The following HEPACAM2 variants were observed in gnomAD, a reference collection of about 807,000 sequenced individuals.
HEPACAM2 encodes the protein mitotic kinetics regulator.
A neutral mutation model predicts 49.6 loss-of-function variants in HEPACAM2; 49 were observed. The ratio of observed to expected loss-of-function variants is 0.99; its 90% CI spans 0.78 to 1.25. The LOEUF (loss-of-function observed/expected upper bound fraction) is 1.25. Ranked by LOEUF, HEPACAM2 falls within the 50% of genes most tolerant of loss-of-function variation. The pLI is 0.00. For synonymous variants in HEPACAM2, 197 were observed against 202.9 expected, an observed-to-expected ratio of 0.97 and a Z score of 0.25; for missense variants, 525 against 557.2, an observed-to-expected ratio of 0.94 and a Z score of 0.58.
At chr7:93,194,330 A>C (rs1344606347) in intron 8 of HEPACAM2, among the ~76,000 whole-genome samples, 14 of 152,186 alleles carry the variant, frequency 9.2e-5, no homozygotes, top group Admixed American at 9.2e-4. Flanking sequence ...CTTATTCAAA[A>C]ATTCAATTAT....
upstream of HEPACAM2, among the ~76,000 whole-genome samples, chr7:93,229,532 A>T (rs537039296): frequency 3.9e-4 from 59 of 152,166 alleles, no homozygotes; most frequent in Admixed American, 7.2e-4. Context: ...GCTTCCAGAC[A>T]TTCCTCCTGT....
intron 9 of HEPACAM2, among the ~76,000 whole-genome samples, chr7:93,190,102 T>C (rs1793504827): frequency 6.6e-6 from 1 of 152,064 alleles, no homozygotes; most frequent in Admixed American, 6.6e-5. Context: ...ATTTAACGTC[T>C]TGCTCTAGCG....
chr7:93,202,034 A>AAAAAAAAAAAAAC (rs1793904509), intron 4 of HEPACAM2, among the ~76,000 whole-genome samples: 6 of 3,276 alleles, frequency 1.8e-3, no homozygotes, highest in Non-Finnish European at 2.8e-3. Flanking sequence ...AAAAAAACCA[A>AAAAAAAAAAAAAC]AAAAAAAAAA....
At chr7:93,230,184 T>TA (rs1010364875), upstream of HEPACAM2, among the ~76,000 whole-genome samples, 126 of 152,160 alleles carry the variant, frequency 8.3e-4, no homozygotes, top group African/African-American at 2.8e-3. Context: ...ACATATTAGA[T>TA]AAAAAAAACT....
chr7:93,219,870 A>G (rs1316332425), intron 1 of HEPACAM2, among the ~76,000 whole-genome samples: 1 of 152,234 alleles, frequency 6.6e-6, no homozygotes, highest in African/African-American at 2.4e-5. Context: ...TCCTCCCAAC[A>G]GTTTCCCTTA....
rs561915249 is a variant in HEPACAM2 at position 93,189,389 on chromosome 7, G to A, written c.1386-119C>T. Reference sequence around the variant, plus strand: ...GCTACAGATTAGAAGAATGTTTGGAGCTAGCTCAAGAAAATTACATTTATC... The same window carrying A: ...GCTACAGATTAGAAGAATGTTTGGAACTAGCTCAAGAAAATTACATTTATC... On this transcript the variant is annotated intron_variant, in intron 9 of 9. Transcript: ENST00000394468. 72 of 567,222 alleles carry A rather than the reference G, an allele frequency of 1.3e-4. No individual in the cohort carries two copies. In the African/African-American group the frequency reaches 1.3e-3, roughly 10 times the overall value. The allele number at this position is 567,222 out of a possible 1,614,324, so 35.1% of individuals were successfully genotyped here.
At chr7:93,195,754 T>A in intron 8 of HEPACAM2, 74 bp downstream of exon 8, 1 of 1,192,540 alleles carries the variant, frequency 8.4e-7, no homozygotes, top group East Asian at 2.3e-5. Context: ...GCCCAGTGCT[T>A]AAACAAATGC....
chr7:93,215,374 T>G (rs996172648), intron 3 of HEPACAM2, 27 bp downstream of exon 3: 1 of 1,597,556 alleles, frequency 6.3e-7, no homozygotes, highest in African/African-American at 1.3e-5. Flanking sequence ...AAAAAACAAC[T>G]CATGAGTTAA....
At chr7:93,200,823 C>G (rs1285903409) in intron 4 of HEPACAM2, among the ~76,000 whole-genome samples, 2 of 152,102 alleles carry the variant, frequency 1.3e-5, no homozygotes, top group Non-Finnish European at 2.9e-5. Context: ...CATTCATTCT[C>G]CAACCTGCTT....
At chr7:93,224,905 A>G (rs1344128347) in intron 1 of HEPACAM2, among the ~76,000 whole-genome samples, 1 of 152,226 alleles carries the variant, frequency 6.6e-6, no homozygotes, top group Admixed American at 6.5e-5. Context: ...TTTAAAAAGA[A>G]GAAGCAAACA....
At chr7:93,200,248 C>G (rs529452392) in intron 4 of HEPACAM2, among the ~76,000 whole-genome samples, 152 of 152,090 alleles carry the variant, frequency 1.0e-3, no homozygotes, top group African/African-American at 3.6e-3. Flanking sequence ...ATTAGGTGCA[C>G]TTCCTAATGC....
At chr7:93,225,961 A>C in intron 1 of HEPACAM2, 1 of 1,272,122 alleles carries the variant, frequency 7.9e-7, no homozygotes, top group Middle Eastern at 1.9e-4. Context: ...TCTTTAATTA[A>C]AAAGAAAACA....
chr7:93,220,644 T>C (rs1419120869), intron 1 of HEPACAM2, among the ~76,000 whole-genome samples: 1 of 152,180 alleles, frequency 6.6e-6, no homozygotes, highest in Non-Finnish European at 1.5e-5. Context: ...ATGAGGGGCC[T>C]GAGAGGGCCT....
At chr7:93,220,925 A>G (rs1794436891) in intron 1 of HEPACAM2, among the ~76,000 whole-genome samples, 3 of 152,338 alleles carry the variant, frequency 2.0e-5, no homozygotes, top group South Asian at 4.1e-4. Flanking sequence ...TATGATACCT[A>G]CATCATAGGA....
chr7:93,197,760 G>T, intron 4 of HEPACAM2, 150 bp from the exon 5 acceptor site: 2 of 567,296 alleles, frequency 3.5e-6, no homozygotes, highest in Non-Finnish European at 6.1e-6. Flanking sequence ...AGACCAAATG[G>T]AAGGAATGCA....
intron 3 of HEPACAM2, among the ~76,000 whole-genome samples, chr7:93,212,592 A>T (rs1584347274): frequency 6.6e-6 from 1 of 152,034 alleles, no homozygotes; most frequent in Non-Finnish European, 1.5e-5. Flanking sequence ...TTGCTCAGAG[A>T]ACCAATATCC....
intron 4 of HEPACAM2, among the ~76,000 whole-genome samples, chr7:93,207,884 A>T (rs1794069916): frequency 6.6e-6 from 1 of 152,050 alleles, no homozygotes; most frequent in African/African-American, 2.4e-5. Context: ...AAATGAATGA[A>T]ATCATACAGA....
At chr7:93,216,739 T>C (rs759109923) in intron 2 of HEPACAM2, among the ~76,000 whole-genome samples, 3 of 152,158 alleles carry the variant, frequency 2.0e-5, no homozygotes, top group Non-Finnish European at 4.4e-5. Context: ...TATTTAATAA[T>C]CTCCTTCTAT....
rs143010146 is a variant in HEPACAM2 at position 93,197,917 on chromosome 7, G to A, written c.1013-307C>T. Among the ~76,000 whole-genome samples the A allele has an allele frequency of 5.5e-4, 83 of 152,110 alleles. 1 individual carries two copies. The East Asian group carries it at 0.015, about 28-fold the overall frequency. Reference sequence around the variant, plus strand: ...CAGTGATGTTTGCCACCTTAGATCTGTTTCATCTCATTGTCTCTACATTCC... The same window carrying A: ...CAGTGATGTTTGCCACCTTAGATCTATTTCATCTCATTGTCTCTACATTCC... On this transcript the variant is annotated intron_variant, in intron 4 of 9. Transcript: ENST00000394468.
Sources: allele counts gnomAD v4.1 joint callset (sites outside exome capture counted in the v4.1 genomes callset), GRCh38; gene constraint gnomAD v4.1.1; transcripts MANE v1.5; gene names NCBI Gene and HGNC (gene_info 2026-07-23, HGNC 2026-07-21).